Variants in ASAP1 observed in about 807,000 individuals in gnomAD.
ASAP1 encodes ArfGAP with SH3 domain, ankyrin repeat and PH domain 1.
Under a neutral mutation model 145.2 loss-of-function variants are expected in ASAP1, and 43 were observed. That is an observed-to-expected ratio of 0.30 (90% CI 0.23 to 0.38). The LOEUF is 0.38. Ranked by LOEUF, ASAP1 falls within the 10% of genes least tolerant of loss-of-function variation. The probability of loss-of-function intolerance (pLI) is 1.00; values close to 1 mark genes in which losing one functional copy is unlikely to be tolerated. For synonymous variants in ASAP1, 546 were observed against 515.5 expected, an observed-to-expected ratio of 1.06 and a Z score of -0.80; for missense variants, 1,018 against 1,355.3, an observed-to-expected ratio of 0.75 and a Z score of 3.91.
chr8:130,153,774 CCT>C (rs1225151122), intron 12 of ASAP1, among the ~76,000 whole-genome samples: 1 of 152,074 alleles, frequency 6.6e-6, no homozygotes, highest in African/African-American at 2.4e-5. Context: ...AATAATAACT[CCT>C]CTCTAGGAAG....
chr8:130,060,219 A>C (rs2097415842), intron 28 of ASAP1, among the ~76,000 whole-genome samples: 1 of 152,094 alleles, frequency 6.6e-6, no homozygotes. Context: ...CTACTTGCTC[A>C]GTGGTCTAGG....
intron 4 of ASAP1, among the ~76,000 whole-genome samples, chr8:130,230,501 TG>T (rs1376670735): frequency 6.6e-6 from 1 of 152,064 alleles, no homozygotes; most frequent in African/African-American, 2.4e-5. Context: ...ATATTCCCTT[TG>T]GGGGAAAAAA....
intron 3 of ASAP1, among the ~76,000 whole-genome samples, chr8:130,262,409 AAAAAAAAAGAGAGAGAGAGAGAGAGAG>A (rs1565148774): frequency 3.6e-5 from 4 of 112,512 alleles, no homozygotes; most frequent in African/African-American, 1.4e-4. Flanking sequence ...AAAAAAAAAA[AAAAAAAAAGAGAGAGAGAGAGAGAGAG>A]AGAGAGAGAG....
chr8:130,076,672 C>T (rs1007036392), intron 26 of ASAP1, among the ~76,000 whole-genome samples: 1 of 152,064 alleles, frequency 6.6e-6, no homozygotes, highest in Admixed American at 6.6e-5. Flanking sequence ...AGGTGCCCAC[C>T]ACCACACCCG....
chr8:130,386,447 G>A (rs1037023226), intron 2 of ASAP1, among the ~76,000 whole-genome samples: 6 of 152,170 alleles, frequency 3.9e-5, no homozygotes, highest in Non-Finnish European at 8.8e-5. Context: ...CTGTCCTGAT[G>A]AAAAAACACA....
chr8:130,345,461 A>G (rs1329380001), intron 3 of ASAP1, among the ~76,000 whole-genome samples: 1 of 152,098 alleles, frequency 6.6e-6, no homozygotes, highest in Non-Finnish European at 1.5e-5. Flanking sequence ...GTGTCTCTGT[A>G]TGTGTGTTTG....
intron 23 of ASAP1, among the ~76,000 whole-genome samples, chr8:130,114,596 T>C (rs1441217141): frequency 1.3e-5 from 2 of 152,146 alleles, no homozygotes; most frequent in Non-Finnish European, 1.5e-5. Flanking sequence ...TACCGTATTA[T>C]GACATCTATG....
chr8:130,345,700 G>C (rs1413455681), intron 3 of ASAP1, among the ~76,000 whole-genome samples: 1 of 152,188 alleles, frequency 6.6e-6, no homozygotes. Flanking sequence ...GGTGGCTCAT[G>C]CCTATAATCC....
intron 15 of ASAP1, among the ~76,000 whole-genome samples, chr8:130,130,052 C>T (rs755248417): frequency 6.6e-6 from 1 of 152,234 alleles, no homozygotes. Context: ...CTCTATTTCG[C>T]TTTCCTCAGG....
At chr8:130,283,777 C>A (rs11774947) in intron 3 of ASAP1, among the ~76,000 whole-genome samples, 60,266 of 151,698 alleles carry the variant, frequency 0.4, 12,568 homozygotes, top group East Asian at 0.65. Flanking sequence ...AAAACCAGGT[C>A]TAGAAAATCA....
In ASAP1 at chr8:130,358,206, C is replaced by A; in HGVS notation, c.60-63G>T. Reference sequence around the variant, plus strand: ...TGAGTCACGGCGCAGGCTCCCGGGGCCGCGGGCCGCCCGGAGGCTCATGAA... The same window carrying A: ...TGAGTCACGGCGCAGGCTCCCGGGGACGCGGGCCGCCCGGAGGCTCATGAA... On this transcript the variant is annotated intron_variant, in intron 2 of 29. Coordinates refer to ENST00000518721, the MANE Select transcript of ASAP1 (RefSeq NM_018482.4). This position sits in a 1 kb window ranked among gnomAD's most constrained non-coding sequence, Gnocchi z 4.1. 6.9e-7 allele frequency: 1 copy of A among 1,456,332 alleles called. No individual in the cohort carries two copies. Among genetic ancestry groups the A allele is most frequent in the East Asian group, 2.7e-5 (1 of 37,030 alleles). 90.2% of individuals were successfully genotyped at this position (1,456,332 alleles called of 1,614,324 possible). A position where few individuals can be genotyped will look rare whatever the true frequency, so the allele number is the denominator to read the frequency against.
At chr8:130,403,654 T>C (rs994068800) in intron 1 of ASAP1, among the ~76,000 whole-genome samples, 2 of 150,678 alleles carry the variant, frequency 1.3e-5, no homozygotes, top group Admixed American at 6.7e-5. Flanking sequence ...CTGGGTTCAA[T>C]TGATTCTCCT....
intron 3 of ASAP1, among the ~76,000 whole-genome samples, chr8:130,256,820 G>A (rs1819598275): frequency 7.6e-6 from 1 of 131,980 alleles, no homozygotes; most frequent in Admixed American, 7.9e-5. Flanking sequence ...ATTACATTTT[G>A]TGGATTGAGT....
chr8:130,139,435 T>G (rs534329373), intron 13 of ASAP1, among the ~76,000 whole-genome samples: 1 of 152,278 alleles, frequency 6.6e-6, no homozygotes, highest in African/African-American at 2.4e-5. Flanking sequence ...ATTTAATAAT[T>G]TTTAAGCTGA....
intron 3 of ASAP1, among the ~76,000 whole-genome samples, chr8:130,304,432 A>C (rs1822868570): frequency 6.6e-6 from 1 of 152,128 alleles, no homozygotes; most frequent in Non-Finnish European, 1.5e-5. Flanking sequence ...TTGTAATACT[A>C]ATATATTGAA....
chr8:130,200,497 G>A (rs1815797300), intron 5 of ASAP1, among the ~76,000 whole-genome samples: 1 of 152,110 alleles, frequency 6.6e-6, no homozygotes. Context: ...TTTTCAAAAT[G>A]TTATCGGTGG....
intron 5 of ASAP1, among the ~76,000 whole-genome samples, chr8:130,191,686 T>C (rs745551451): frequency 2.0e-5 from 3 of 152,080 alleles, no homozygotes; most frequent in African/African-American, 4.8e-5. Context: ...ATCTGTAAAG[T>C]AGAATATTAT....
At chr8:130,056,329 T>C (rs1185905843) in intron 29 of ASAP1, among the ~76,000 whole-genome samples, 1 of 152,206 alleles carries the variant, frequency 6.6e-6, no homozygotes, top group Non-Finnish European at 1.5e-5. Flanking sequence ...GGCCCCACTC[T>C]GCTGACAGAG....
At chr8:130,161,722 T>G (rs919403272) in intron 11 of ASAP1, among the ~76,000 whole-genome samples, 1 of 152,220 alleles carries the variant, frequency 6.6e-6, no homozygotes, top group Non-Finnish European at 1.5e-5. Flanking sequence ...TATTAATCAT[T>G]TGGGAGAGAT....
Sources: gnomAD v4.1 joint callset for allele counts (sites outside exome capture counted in the v4.1 genomes callset) on GRCh38, gnomAD v4.1.1 for gene constraint, Gnocchi (gnomAD v3.1) non-coding constraint, MANE v1.5 for transcripts, NCBI Gene and HGNC (gene_info 2026-07-23, HGNC 2026-07-21) for gene names.